PARP1: variants seen among roughly 807,000 people sequenced by gnomAD.
The protein encoded by PARP1 is poly [ADP-ribose] polymerase 1.
In PARP1, 44 loss-of-function variants were observed where a neutral mutation model predicts 118.7. The observed-to-expected ratio is 0.37, with a 90% confidence interval of 0.29 to 0.48. The LOEUF (loss-of-function observed/expected upper bound fraction) is 0.48, where lower values mean the gene tolerates loss of function less well. Ranked by LOEUF, PARP1 falls within the 20% of genes least tolerant of loss-of-function variation. The probability of loss-of-function intolerance (pLI) is 0.99; values close to 1 mark genes in which losing one functional copy is unlikely to be tolerated. For missense variants in PARP1, 1,100 were observed against 1,272.4 expected, an observed-to-expected ratio of 0.86 and a Z score of 2.06; for synonymous variants, 492 against 483.2, an observed-to-expected ratio of 1.02 and a Z score of -0.24.
intron 22 of PARP1, 101 bp downstream of exon 22, chr1:226,361,868 C>T (rs1273633857): frequency 6.5e-6 from 5 of 769,620 alleles, no homozygotes; most frequent in Non-Finnish European, 1.2e-5. Context: ...ACAGGACAGC[C>T]TCTAATCCTT....
rs150379323 is a variant in PARP1, at chr1:226,381,160, C to T, written c.1208G>A (p.Arg403Gln). Reference protein sequence around the residue: ...MKILTLGKLSRNKDEVKAMIE... With the variant: ...MKILTLGKLSQNKDEVKAMIE... ...CATGGCCTTCACTTCATCCTTGTTC[C>T]GGGACAGCTTCCCGAGAGTCAGGAT... Residue 403 changes from arginine to glutamine, a missense_variant, in exon 9 of 23, where the codon CGG (arginine) becomes CAG (glutamine). By Grantham distance (43) the Arg-to-Gln change is conservative (BLOSUM62 1). Coordinates refer to ENST00000366794, the MANE Select transcript of PARP1 (RefSeq NM_001618.4). The T allele has an allele frequency of 2.7e-5, 44 of 1,614,074 alleles. No homozygotes were observed. The South Asian group carries it at 3.7e-4, about 14-fold the overall frequency.
At chr1:226,394,270 T>C (rs1046143951) in intron 2 of PARP1, among the ~76,000 whole-genome samples, 2 of 152,146 alleles carry the variant, frequency 1.3e-5, no homozygotes, top group African/African-American at 4.8e-5. Flanking sequence ...GGTAAGAAGA[T>C]TGCTTAAGTC....
intron 2 of PARP1, among the ~76,000 whole-genome samples, chr1:226,399,733 A>G (rs535495935): frequency 5.1e-4 from 77 of 152,310 alleles, no homozygotes; most frequent in Non-Finnish European, 8.7e-4. Context: ...TCCGATAACG[A>G]TGTGTCAATG....
intron 20 of PARP1, among the ~76,000 whole-genome samples, 184 bp from the exon 21 acceptor site, chr1:226,363,344 C>T (rs1247597870): frequency 2.6e-5 from 4 of 152,172 alleles, no homozygotes; most frequent in East Asian, 1.9e-4. Flanking sequence ...ACTGCAGTTG[C>T]GGCTGAACAT....
intron 13 of PARP1, among the ~76,000 whole-genome samples, chr1:226,376,634 G>C (rs577005458): frequency 1.3e-5 from 2 of 152,276 alleles, no homozygotes; most frequent in East Asian, 3.9e-4. Flanking sequence ...ATACTTCAAG[G>C]TGTTGACTGT....
chr1:226,365,224 G>C, intron 18 of PARP1, 70 bp from the exon 19 acceptor site: 2 of 1,517,802 alleles, frequency 1.3e-6, no homozygotes, highest in Non-Finnish European at 1.8e-6. Context: ...TGAAAGACAG[G>C]ACTGGATACA....
chr1:226,376,169 A>G (rs988061471), intron 13 of PARP1, among the ~76,000 whole-genome samples: 1 of 152,130 alleles, frequency 6.6e-6, no homozygotes, highest in African/African-American at 2.4e-5. Context: ...GAGACATGCT[A>G]GGCCTCAAAG....
At chr1:226,393,759 A>G (rs527254153) in intron 2 of PARP1, among the ~76,000 whole-genome samples, 1 of 152,344 alleles carries the variant, frequency 6.6e-6, no homozygotes, top group African/African-American at 2.4e-5. Flanking sequence ...AATGTCTATA[A>G]CTCAACGGGG....
intron 2 of PARP1, among the ~76,000 whole-genome samples, chr1:226,395,553 G>A (rs1558242028): frequency 6.6e-6 from 1 of 152,044 alleles, no homozygotes; most frequent in Non-Finnish European, 1.5e-5. Context: ...GCTGAGGCAG[G>A]AGAATTACCT....
rs185558137 is a variant in PARP1 at position 226,372,762 on chromosome 1, G to A, written c.2070+1464C>T. Reference sequence around the variant, plus strand: ...CTTGGGTTTGAGAATAGCTGAGAACGTCTATGAATCACAGATAGACCAAGG... The same window carrying A: ...CTTGGGTTTGAGAATAGCTGAGAACATCTATGAATCACAGATAGACCAAGG... On this transcript the variant is annotated intron_variant, in intron 14 of 22. Transcript: ENST00000366794. Among the ~76,000 whole-genome samples, 41 of 152,274 alleles carry A rather than the reference G, an allele frequency of 2.7e-4. No individual in the cohort carries two copies. In the East Asian group the frequency reaches 5.4e-3, roughly 20 times the overall value.
At chr1:226,400,334 AC>A (rs1359856013) in intron 2 of PARP1, among the ~76,000 whole-genome samples, 1 of 152,180 alleles carries the variant, frequency 6.6e-6, no homozygotes. Context: ...CAACAAAAAA[AC>A]AAAGTAGGGA....
At chr1:226,368,455 T>C (rs1664317008) in intron 15 of PARP1, 134 bp from the exon 16 acceptor site, 1 of 1,109,546 alleles carries the variant, frequency 9.0e-7, no homozygotes, top group Non-Finnish European at 1.3e-6. Context: ...CCAGGACACA[T>C]GGGAAACGAC....
chr1:226,363,818 C>A (rs1023722309), intron 20 of PARP1, 125 bp downstream of exon 20: 1 of 985,864 alleles, frequency 1.0e-6, no homozygotes, highest in Non-Finnish European at 1.6e-6. Flanking sequence ...GAAAAGAATC[C>A]TAATTGGTGC....
At chr1:226,379,435 G>A in intron 11 of PARP1, 138 bp downstream of exon 11, 2 of 1,157,980 alleles carry the variant, frequency 1.7e-6, no homozygotes, top group Non-Finnish European at 2.6e-6. Context: ...TGGGGGAGCT[G>A]GTGAAGGAGG....
Position 226,370,494 on chromosome 1 carries a change from C to G in PARP1, c.2094G>C (p.Leu698Phe). Residue 698 changes from leucine to phenylalanine, a missense_variant, in exon 15 of 23, where the codon TTG (leucine) becomes TTC (phenylalanine). This residue lies in a region of PARP1 where 948 missense variants were observed against 1,031.8 expected (regional missense o/e 0.92). Transcript: ENST00000366794. Reference protein sequence around the residue: ...EYEIDLQKMPLGKLSKRQIQA... With the variant: ...EYEIDLQKMPFGKLSKRQIQA... ...GGATCTGCCTTTTGCTCAGCTTCCC[C>G]AAGGGCATCTTCTGAAGGTCGATCT... 1.2e-6 allele frequency: 2 copies of G among 1,613,970 alleles called. No individual in the cohort carries two copies. Among genetic ancestry groups the G allele is most frequent in the Non-Finnish European group, 1.7e-6 (2 of 1,179,900 alleles).
intron 12 of PARP1, 152 bp downstream of exon 12, chr1:226,378,990 A>C: frequency 8.1e-4 from 665 of 825,552 alleles, no homozygotes; most frequent in Non-Finnish European, 8.2e-4. Flanking sequence ...CCCTTTAAGC[A>C]AAGGCCTTAT....
intron 14 of PARP1, among the ~76,000 whole-genome samples, chr1:226,373,503 C>T (rs915999174): frequency 1.3e-5 from 2 of 152,086 alleles, no homozygotes; most frequent in Non-Finnish European, 2.9e-5. Flanking sequence ...ACAAGGGGGC[C>T]GCCCTTTTGC....
intron 8 of PARP1, among the ~76,000 whole-genome samples, chr1:226,382,056 A>G (rs183762563): frequency 5.9e-5 from 9 of 152,326 alleles, no homozygotes; most frequent in African/African-American, 2.2e-4. Context: ...CCAGCAGCAC[A>G]GTGGACTCGG....
Position 226,374,305 on chromosome 1 carries a change from T to C in PARP1, c.1991A>G (p.Lys664Arg), listed in dbSNP as rs145186011. ...KLTVNPGTKSKLPKPVQDLIK... is the reference protein window; with the variant it reads ...KLTVNPGTKSRLPKPVQDLIK... ...GAGGTCCTGAACTGGCTTGGGGAGC[T>C]TGGACTTGGTGCCAGGATTTACTGT... Residue 664 changes from lysine to arginine, a missense_variant, in exon 14 of 23, where the codon AAG becomes AGG. By Grantham distance (26) the Lys-to-Arg change is conservative. Coordinates refer to ENST00000366794, the MANE Select transcript of PARP1 (RefSeq NM_001618.4). The C allele has an allele frequency of 2.5e-4, 410 of 1,614,080 alleles. 1 individual carries two copies. Among genetic ancestry groups the C allele is most frequent in the African/African-American group, 4.3e-4 (32 of 74,934 alleles).
Sources: gnomAD v4.1 joint callset for allele counts (sites outside exome capture counted in the v4.1 genomes callset) on GRCh38, gnomAD v4.1.1 for gene constraint, gnomAD v4.1.1 regional missense constraint, MANE v1.5 for transcripts, NCBI Gene and HGNC (gene_info 2026-07-23, HGNC 2026-07-21) for gene names.